USF3: variants seen among roughly 807,000 people sequenced by gnomAD.
USF3 encodes basic helix-loop-helix domain-containing protein USF3.
USF3 carries 29 observed loss-of-function variants against 157.5 expected under a neutral mutation model. The ratio of observed to expected loss-of-function variants is 0.18; its 90% confidence interval spans 0.14 to 0.25. The LOEUF is 0.25. Among genes scored for constraint, USF3 ranks in the 10% least tolerant of loss-of-function variants. The pLI is 1.00. For synonymous variants in USF3, 893 were observed against 941.4 expected (o/e 0.95, Z 0.94); for missense variants, 2,381 against 2,667.6 (o/e 0.89, Z 2.37).
chr3:113,692,430 T>C (rs77153565), intron 1 of USF3, among the ~76,000 whole-genome samples: 67 of 152,330 alleles, frequency 4.4e-4, no homozygotes, highest in African/African-American at 1.5e-3. Flanking sequence ...AAAAATTTCA[T>C]GTTTGTATCC....
chr3:113,683,464 CTTTTTTTTTTT>C (rs5851905), intron 1 of USF3, among the ~76,000 whole-genome samples: 3 of 87,080 alleles, frequency 3.4e-5, no homozygotes, highest in South Asian at 3.9e-4. Context: ...TTATCCCCTG[CTTTTTTTTTTT>C]TTTTTTTTTT....
intron 5 of USF3, among the ~76,000 whole-genome samples, chr3:113,667,681 A>G (rs1300771981): frequency 6.6e-6 from 1 of 152,186 alleles, no homozygotes; most frequent in Non-Finnish European, 1.5e-5. Flanking sequence ...AGCCTGGCCA[A>G]CATGGTAAAA....
chr3:113,685,777 C>G (rs1054701219), intron 1 of USF3, among the ~76,000 whole-genome samples: 4 of 152,030 alleles, frequency 2.6e-5, no homozygotes, highest in Non-Finnish European at 5.9e-5. Flanking sequence ...TAGGAGTGTA[C>G]CCTTCTCTTT....
chr3:113,661,555 C>T, intron 6 of USF3, 130 bp from the exon 7 acceptor site: 1 of 496,154 alleles, frequency 2.0e-6, no homozygotes, highest in Non-Finnish European at 3.4e-6. Flanking sequence ...CGAGACTCTT[C>T]AGCTCTTTTC....
Position 113,660,013 on chromosome 3 carries a change from G to C in USF3, c.1669C>G (p.Pro557Ala). Residue 557 changes from proline (P) to alanine (A), a missense_variant, in exon 7 of 7, where the codon CCA (proline) becomes GCA (alanine). Physicochemically the swap from Pro to Ala is conservative, Grantham distance 27 (BLOSUM62 -1). Coordinates refer to ENST00000316407, the MANE Select transcript of USF3 (RefSeq NM_001009899.4). ...GTTGGGCATGGGGTGGTGCTAGGTG[G>C]CTGAAGAATTATAACATTTTGATTA... ...PTNQNVIILQ[P>A]PSTTPCPTVM... The C allele has an allele frequency of 6.2e-7, 1 of 1,614,162 alleles. No individual in the cohort carries two copies. The highest frequency in any genetic ancestry group is 8.5e-7 in the Non-Finnish European group (1 of 1,180,016).
chr3:113,659,542 G>A lies in USF3; in HGVS notation c.2140C>T (p.Leu714Phe), dbSNP rs777724472. ...ALNTFGALAS[L>F]NQSISQMAGQ... Reference sequence around the variant, plus strand: ...GCCATCTGTGATATGCTTTGATTGAGGCTGGCCAAAGCACCAAATGTATTC... The same window carrying A: ...GCCATCTGTGATATGCTTTGATTGAAGCTGGCCAAAGCACCAAATGTATTC... The change falls in exon 7 of 7, where the codon CTC becomes TTC. Residue 714 changes from leucine (L) to phenylalanine (F), a missense_variant. Transcript: ENST00000316407. The A allele has an allele frequency of 6.2e-7, 1 of 1,614,168 alleles. No homozygotes were observed. Among genetic ancestry groups the A allele is most frequent in the Non-Finnish European group, 8.5e-7 (1 of 1,180,026 alleles).
chr3:113,663,395 A>G (rs1193057396), intron 6 of USF3, among the ~76,000 whole-genome samples: 5 of 152,180 alleles, frequency 3.3e-5, no homozygotes, highest in African/African-American at 4.8e-5. Context: ...AACATGGATC[A>G]TTTATCTATC....
rs1169826115 is a variant in USF3, at chr3:113,656,976, T to C, written c.4706A>G (p.His1569Arg). The C allele has an allele frequency of 1.2e-6, 2 of 1,614,104 alleles. No homozygotes were observed. The highest frequency in any genetic ancestry group is 8.5e-7 in the Non-Finnish European group (1 of 1,180,038). Residue 1569 changes from histidine to arginine, a missense_variant, in exon 7 of 7, where the codon CAC becomes CGC. By Grantham distance (29) the His-to-Arg change is conservative. Around this residue, in one of 6 missense-constraint regions of USF3, gnomAD observed 770 missense variants for 824.2 expected, o/e 0.93. Coordinates refer to ENST00000316407, the MANE Select transcript of USF3 (RefSeq NM_001009899.4). ...CTTCTCTGTCTGGGAGCTTCCAAAG[T>C]GTTGCTGCATTTGTTGCTGCATCTG... ...HQQMQQQMQQ[H>R]FGSSQTEKSC...
chr3:113,684,918 C>T lies in USF3; in HGVS notation c.-134-7521G>A, dbSNP rs188653884. ...GGCCCTGATGCTTGTGGATGTTTGT[C>T]AATGTCTGTGCACCGAAAAGTTAGA... On this transcript the variant is annotated intron_variant, in intron 1 of 6. Coordinates refer to ENST00000316407, the MANE Select transcript of USF3 (RefSeq NM_001009899.4). Among the ~76,000 whole-genome samples, 3 of 152,222 alleles carry T rather than the reference C, an allele frequency of 2.0e-5. No individual in the cohort carries two copies. In the East Asian group the frequency reaches 5.8e-4, roughly 29 times the overall value.
rs1361186790 is a variant in USF3 at position 113,660,080 on chromosome 3, C to T, written c.1602G>A (p.Gln534=). 3 of 1,614,072 alleles carry T rather than the reference C, an allele frequency of 1.9e-6. No homozygotes were observed. In the African/African-American group the frequency reaches 4.0e-5, roughly 22 times the overall value. The part of the protein sequence containing the change: ...LPLNSAMQVI[Q]MAQPVGSAVN... ...CAGCTGACCCAACTGGCTGAGCCAT[C>T]TGAATCACTTGCATTGCTGAATTCA... The change falls in exon 7 of 7, where the codon CAG becomes CAA. Residue 534 remains glutamine (Q), a synonymous_variant. Coordinates refer to ENST00000316407, the MANE Select transcript of USF3 (RefSeq NM_001009899.4).
rs1249665625 is a variant in USF3 at position 113,658,315 on chromosome 3, T to C, written c.3367A>G (p.Ser1123Gly). ...TCAGTTTGCTCTACAAAGGTACAGC[T>C]GTCACATGTATTAGTTGTTGCATTG... ...TSNATTNTCDSCTFVEQTDIV... is the reference protein window; with the variant it reads ...TSNATTNTCDGCTFVEQTDIV... Residue 1123 changes from serine (S) to glycine (G), a missense_variant, in exon 7 of 7, where the codon AGC becomes GGC. Physicochemically the swap from Ser to Gly is moderately conservative, Grantham distance 56. This residue lies in a region of USF3 where 1,435 missense variants were observed against 1,550.9 expected (regional missense o/e 0.93). Coordinates refer to ENST00000316407, the MANE Select transcript of USF3 (RefSeq NM_001009899.4). 1.2e-6 allele frequency: 2 copies of C among 1,614,224 alleles called. No individual in the cohort carries two copies. Among genetic ancestry groups the C allele is most frequent in the Non-Finnish European group, 1.7e-6 (2 of 1,180,038 alleles).
intron 3 of USF3, 134 bp downstream of exon 3, chr3:113,674,698 A>G (rs1707237957): frequency 2.7e-6 from 2 of 753,944 alleles, no homozygotes; most frequent in East Asian, 5.0e-5. Flanking sequence ...TTTATCTACA[A>G]ATATTTTTGG....
intron 6 of USF3, among the ~76,000 whole-genome samples, chr3:113,662,605 G>A (rs1030755694): frequency 6.6e-5 from 10 of 152,176 alleles, no homozygotes; most frequent in Non-Finnish European, 1.5e-4. Context: ...AGATACCAGT[G>A]TCCACGGACA....
chr3:113,682,379 G>T (rs1015786001), intron 1 of USF3, among the ~76,000 whole-genome samples: 1 of 152,030 alleles, frequency 6.6e-6, no homozygotes, highest in Non-Finnish European at 1.5e-5. Flanking sequence ...TTGCTTTGTG[G>T]CCTAACATAG....
intron 1 of USF3, among the ~76,000 whole-genome samples, chr3:113,681,305 G>C (rs1046921486): frequency 2.6e-5 from 4 of 151,448 alleles, no homozygotes; most frequent in Admixed American, 2.6e-4. Context: ...TTTTGATGTG[G>C]GTGCTTTCCT....
At chr3:113,670,904 A>C (rs376764132) in intron 4 of USF3, among the ~76,000 whole-genome samples, 53 of 151,998 alleles carry the variant, frequency 3.5e-4, no homozygotes, top group African/African-American at 1.2e-3. Context: ...ACCATGCCCA[A>C]CTATTTTTTT....
At chr3:113,684,627 T>C (rs1402528196) in intron 1 of USF3, among the ~76,000 whole-genome samples, 1 of 152,220 alleles carries the variant, frequency 6.6e-6, no homozygotes, top group Non-Finnish European at 1.5e-5. Context: ...CATTCTACTG[T>C]TGAGAGACTG....
chr3:113,660,348 G>A lies in USF3; in HGVS notation c.1334C>T (p.Pro445Leu). 2 of 1,614,180 alleles carry A rather than the reference G, an allele frequency of 1.2e-6. No individual in the cohort carries two copies. Among genetic ancestry groups the A allele is most frequent in the Non-Finnish European group, 1.7e-6 (2 of 1,180,038 alleles). The change falls in exon 7 of 7, where the codon CCC becomes CTC. Residue 445 changes from proline (P) to leucine (L), a missense_variant. Pro to Leu is a moderately conservative substitution (Grantham distance 98). This residue lies in a region of USF3 where 1,435 missense variants were observed against 1,550.9 expected (regional missense o/e 0.93). Transcript: ENST00000316407. ...TLQLAGNTIQ[P>L]LSQTPSSAVT... ...AGCAGAAGATGGTGTCTGGCTTAAGGGCTGAATAGTGTTTCCTGCCAGTTG... is the reference window on the plus strand; with the variant it reads ...AGCAGAAGATGGTGTCTGGCTTAAGAGCTGAATAGTGTTTCCTGCCAGTTG...
chr3:113,686,862 G>T (rs1707561464), intron 1 of USF3, among the ~76,000 whole-genome samples: 1 of 151,996 alleles, frequency 6.6e-6, no homozygotes, highest in Non-Finnish European at 1.5e-5. Context: ...GTGAAAAGAA[G>T]TACTCTTTTC....
Sources: allele counts gnomAD v4.1 joint callset (sites outside exome capture counted in the v4.1 genomes callset), GRCh38; gene constraint gnomAD v4.1.1; regional missense constraint gnomAD v4.1.1; transcripts MANE v1.5; gene names NCBI Gene and HGNC (gene_info 2026-07-23, HGNC 2026-07-21).